ATP7A: variants seen among roughly 807,000 people sequenced by gnomAD.
The protein encoded by ATP7A is copper-transporting ATPase 1.
In ATP7A, 7 loss-of-function variants were observed where a neutral mutation model predicts 83.5. That is an observed-to-expected ratio of 0.08 (90% CI 0.05 to 0.16). ATP7A has a LOEUF of 0.16. Ranked by LOEUF, ATP7A falls within the 10% of genes least tolerant of loss-of-function variation. The pLI is 1.00. For synonymous variants in ATP7A, 354 were observed against 395.2 expected (o/e 0.90, Z 1.24); for missense variants, 940 against 1,120.8 (o/e 0.84, Z 2.30).
intron 2 of ATP7A, 40 bp from the exon 3 acceptor site, chrX:77,988,202 G>C: frequency 8.5e-7 from 1 of 1,171,809 alleles, no homozygotes; most frequent in Non-Finnish European, 1.1e-6. Flanking sequence ...CTGTGTGATA[G>C]AATTTAATTA....
chrX:77,971,581 T>C, intron 1 of ATP7A, 40 bp from the exon 2 acceptor site: 1 of 1,182,617 alleles, frequency 8.5e-7, no homozygotes, highest in Non-Finnish European at 1.2e-6. Flanking sequence ...GGAAAGATTA[T>C]TTGCATGGCT....
chrX:77,925,820 T>C, intron 1 of ATP7A, among the ~76,000 whole-genome samples: 1 of 111,684 alleles, frequency 9.0e-6, no homozygotes, highest in East Asian at 2.8e-4. Flanking sequence ...GATCCCTTTT[T>C]GCCTTTATCT....
intron 2 of ATP7A, among the ~76,000 whole-genome samples, chrX:77,979,343 T>C (rs1301636007): frequency 9.0e-6 from 1 of 111,552 alleles, no homozygotes; most frequent in African/African-American, 3.3e-5. Context: ...TTCAACATGA[T>C]CATACATAAA....
intron 1 of ATP7A, among the ~76,000 whole-genome samples, chrX:77,961,794 T>G (rs1208592059): frequency 9.0e-6 from 1 of 111,616 alleles, no homozygotes; most frequent in African/African-American, 3.3e-5. Flanking sequence ...ATTTGTCCTT[T>G]GCTCCCAAAC....
Position 78,020,392 on chromosome X carries a change from A to G in ATP7A, c.2775A>G (p.Thr925=), listed in dbSNP as rs1603387045. The G allele has an allele frequency of 8.3e-7, 1 of 1,210,662 alleles. No homozygotes were observed. Among genetic ancestry groups the G allele is most frequent in the Non-Finnish European group, 1.1e-6 (1 of 894,294 alleles). Residue 925 remains threonine (T), a synonymous_variant, in exon 13 of 23, where the codon ACA becomes ACG. Transcript: ENST00000341514. ...TCAAACTTGTGGAAGAGGCACAAAC[A>G]TCAAAGGTAACTTAACTCCCTAGGA... ...QIVKLVEEAQ[T]SKAPIQQFAD... is the part of the protein sequence containing the mutation.
intron 17 of ATP7A, among the ~76,000 whole-genome samples, chrX:78,034,451 TC>T (rs1157138973): frequency 8.9e-6 from 1 of 111,785 alleles, no homozygotes; most frequent in Non-Finnish European, 1.9e-5. Context: ...TCTGTCTTTT[TC>T]TTTTATATCC....
chrX:77,998,628 G>C lies in ATP7A; in HGVS notation c.1487G>C (p.Gly496Ala), dbSNP rs1193696385. The C allele has an allele frequency of 1.7e-6, 2 of 1,210,385 alleles. No individual in the cohort carries two copies. The highest frequency in any genetic ancestry group is 2.2e-6 in the Non-Finnish European group (2 of 895,368). ...TCTAAGTGTTACATACAGGTCACTG[G>C]CATGACTTGCGCTTCCTGTGTAGCA... ...NSSKCYIQVT[G>A]MTCASCVANI... The change falls in exon 5 of 23, where the codon GGC (glycine) becomes GCC (alanine). Residue 496 changes from glycine to alanine, a missense_variant. Physicochemically the swap from Gly to Ala is moderately conservative, Grantham distance 60 (BLOSUM62 0). Around this residue, in one of 3 missense-constraint regions of ATP7A, gnomAD observed 350 missense variants for 432.8 expected, o/e 0.81. Transcript: ENST00000341514.
chrX:77,910,964 C>A (rs1316610110), intron 1 of ATP7A, 129 bp downstream of exon 1: 14 of 111,875 alleles, frequency 1.3e-4, no homozygotes, highest in Non-Finnish European at 3.8e-5. Flanking sequence ...CACTTATTCA[C>A]AATTCAGGTA....
intron 20 of ATP7A, 31 bp downstream of exon 20, chrX:78,042,819 A>G: frequency 8.5e-7 from 1 of 1,173,786 alleles, no homozygotes; most frequent in South Asian, 1.8e-5. Flanking sequence ...TTTGAGGAGT[A>G]TGAGACTGCC....
At chrX:78,019,501 C>T (rs1409106826) in intron 12 of ATP7A, among the ~76,000 whole-genome samples, 1 of 109,883 alleles carries the variant, frequency 9.1e-6, no homozygotes, top group Non-Finnish European at 1.9e-5. Flanking sequence ...AAGGTCTTAC[C>T]CTGTCACCCA....
At chrX:78,015,906 C>A in intron 12 of ATP7A, 25 bp downstream of exon 12, 1 of 1,207,517 alleles carries the variant, frequency 8.3e-7, no homozygotes, top group Non-Finnish European at 1.1e-6. Flanking sequence ...AGGATCATGA[C>A]CAAAATGTTA....
intron 14 of ATP7A, among the ~76,000 whole-genome samples, chrX:78,026,098 G>C (rs1436808900): frequency 9.0e-6 from 1 of 111,505 alleles, no homozygotes; most frequent in Non-Finnish European, 1.9e-5. Context: ...TATTAAACTT[G>C]AATGTAAATG....
Position 78,007,120 on chromosome X carries a change from C to T in ATP7A, c.1708-1982C>T, listed in dbSNP as rs1178260287. On this transcript the variant is annotated intron_variant, in intron 6 of 22. Transcript: ENST00000341514. Reference sequence around the variant, plus strand: ...CTAAAGCAGCTGTACCATTTCATATCCCCACCAACATTGTATTGACGTTCC... The same window carrying T: ...CTAAAGCAGCTGTACCATTTCATATTCCCACCAACATTGTATTGACGTTCC... Among the ~76,000 whole-genome samples, 3 of 111,653 alleles carry T rather than the reference C, an allele frequency of 2.7e-5. No homozygotes were observed. In the East Asian group the frequency reaches 8.5e-4, roughly 31 times the overall value.
intron 1 of ATP7A, among the ~76,000 whole-genome samples, chrX:77,943,255 A>G (rs2077361123): frequency 8.9e-6 from 1 of 112,552 alleles, no homozygotes; most frequent in East Asian, 2.8e-4. Context: ...AGATTTGAAA[A>G]TTAAAGAATC....
intron 15 of ATP7A, 105 bp downstream of exon 15, chrX:78,029,549 C>T: frequency 1.2e-6 from 1 of 837,298 alleles, no homozygotes. Context: ...GGTCCATGAG[C>T]TGAGCTGCTT....
intron 9 of ATP7A, 76 bp downstream of exon 9, chrX:78,011,750 G>T: frequency 1.1e-6 from 1 of 932,833 alleles, no homozygotes; most frequent in Non-Finnish European, 1.6e-6. Context: ...TTTATTTTCA[G>T]CTACAAAACT....
Position 78,033,738 on chromosome X carries a change from A to G in ATP7A, c.3428A>G (p.Lys1143Arg), listed in dbSNP as rs782486797. 8.3e-7 allele frequency: 1 copy of G among 1,210,864 alleles called. No homozygotes were observed. Among genetic ancestry groups the G allele is most frequent in the Non-Finnish European group, 1.1e-6 (1 of 894,922 alleles). ...TGGAATATAGAGGACAATAATATTA[A>G]AAATGCATCCCTGGTTCAAATTGAT... is the stretch of plus-strand genomic sequence containing the variant. ...NNWNIEDNNI[K>R]NASLVQIDAS... Residue 1143 changes from lysine (K) to arginine (R), a missense_variant, in exon 17 of 23, where the codon AAA becomes AGA. Around this residue, in one of 3 missense-constraint regions of ATP7A, gnomAD observed 386 missense variants for 502.2 expected, o/e 0.77. Transcript: ENST00000341514.
rs530813744 is a variant in ATP7A, at chrX:77,915,491, T to C, written c.-22+4656T>C. Among the ~76,000 whole-genome samples the C allele has an allele frequency of 3.3e-4, 37 of 111,262 alleles. No individual in the cohort carries two copies. In the South Asian group the frequency reaches 9.4e-3, roughly 28 times the overall value. On this transcript the variant is annotated intron_variant, in intron 1 of 22. Coordinates refer to ENST00000341514, the MANE Select transcript of ATP7A (RefSeq NM_000052.7). ...CTAAAATGGGGACAATAACAGTACC[T>C]GTCTCACAGGATTGTTAATGATCTA...
At chrX:77,928,086 C>T (rs782166618) in intron 1 of ATP7A, among the ~76,000 whole-genome samples, 3 of 110,313 alleles carry the variant, frequency 2.7e-5, no homozygotes, top group Admixed American at 9.8e-5. Context: ...CTCAGCCTCA[C>T]GAGTAGCTGG....
Sources: gnomAD v4.1 joint callset for allele counts (sites outside exome capture counted in the v4.1 genomes callset) on GRCh38, gnomAD v4.1.1 for gene constraint, gnomAD v4.1.1 regional missense constraint, MANE v1.5 for transcripts, NCBI Gene and HGNC (gene_info 2026-07-23, HGNC 2026-07-21) for gene names.